The following ERBB4 variants were observed in gnomAD, a reference collection of about 807,000 sequenced individuals.
ERBB4 encodes the protein erb-b2 receptor tyrosine kinase 4.
Under a neutral mutation model 158.0 loss-of-function variants are expected in ERBB4, and 42 were observed. The observed-to-expected ratio is 0.27, with a 90% CI of 0.21 to 0.34. The LOEUF is 0.34. Ranked by LOEUF, ERBB4 falls within the 10% of genes least tolerant of loss-of-function variation. The pLI is 1.00. For synonymous variants in ERBB4, 583 were observed against 558.7 expected (o/e 1.04, Z -0.61); for missense variants, 1,333 against 1,624.1 (o/e 0.82, Z 3.08).
intron 1 of ERBB4, among the ~76,000 whole-genome samples, chr2:212,502,588 G>T (rs1025881437): frequency 2.0e-5 from 3 of 152,136 alleles, no homozygotes; most frequent in Admixed American, 1.3e-4. Context: ...TCCTATAGCA[G>T]AGACTGCTGG....
chr2:211,497,351 A>G (rs975250192), intron 20 of ERBB4, among the ~76,000 whole-genome samples: 1 of 152,146 alleles, frequency 6.6e-6, no homozygotes, highest in African/African-American at 2.4e-5. Context: ...TTTACATTCT[A>G]TTCCTTCATA....
chr2:211,380,298 G>C lies in ERBB4; in HGVS notation c.*3317C>G, dbSNP rs2062553118. ...GGTTCTGGATCTATCCTAGATCAGA[G>C]GCCATCTTTCCTCACCTGTTTACCA... On this transcript the variant is annotated 3_prime_UTR_variant, in exon 28 of 28. Transcript: ENST00000342788. 4.3e-6 allele frequency: 1 copy of C among 232,204 alleles called. No individual in the cohort carries two copies. 14.4% of individuals were successfully genotyped at this position (232,204 alleles called of 1,614,324 possible). A position where few individuals can be genotyped will look rare whatever the true frequency, so the allele number is the denominator to read the frequency against.
intron 20 of ERBB4, among the ~76,000 whole-genome samples, chr2:211,518,002 A>C (rs1268029019): frequency 6.6e-6 from 1 of 152,094 alleles, no homozygotes; most frequent in East Asian, 1.9e-4. Context: ...CTTATTGTAC[A>C]AGTGTAATTA....
intron 1 of ERBB4, among the ~76,000 whole-genome samples, chr2:212,192,856 T>C (rs974699729): frequency 2.6e-5 from 4 of 152,222 alleles, no homozygotes; most frequent in Non-Finnish European, 5.9e-5. Context: ...ATAGTGTGAT[T>C]TGCTATCCAT....
intron 25 of ERBB4, among the ~76,000 whole-genome samples, chr2:211,394,214 C>T (rs1559124387): frequency 6.6e-6 from 1 of 151,950 alleles, no homozygotes; most frequent in Non-Finnish European, 1.5e-5. Flanking sequence ...TTAGCACAGT[C>T]AAAAAAGAAA....
chr2:212,042,159 T>C (rs944453426), intron 2 of ERBB4, among the ~76,000 whole-genome samples: 1 of 152,096 alleles, frequency 6.6e-6, no homozygotes, highest in Non-Finnish European at 1.5e-5. Context: ...AGTGCTCAAA[T>C]TGGTGATAGT....
At chr2:212,209,216 T>C (rs1275654835) in intron 1 of ERBB4, among the ~76,000 whole-genome samples, 1 of 152,190 alleles carries the variant, frequency 6.6e-6, no homozygotes, top group African/African-American at 2.4e-5. Context: ...ATTTGCTGCA[T>C]ATGAAACATT....
intron 2 of ERBB4, among the ~76,000 whole-genome samples, chr2:212,048,873 G>A (rs931437806): frequency 3.3e-5 from 5 of 152,120 alleles, no homozygotes; most frequent in African/African-American, 4.8e-5. Flanking sequence ...TTAAGCATTC[G>A]AACATGGAAT....
intron 2 of ERBB4, among the ~76,000 whole-genome samples, chr2:212,047,313 T>C (rs2077283247): frequency 6.6e-6 from 1 of 152,192 alleles, no homozygotes; most frequent in East Asian, 1.9e-4. Flanking sequence ...TTATTCTCTT[T>C]AGTCTCAATA....
intron 3 of ERBB4, among the ~76,000 whole-genome samples, chr2:211,843,253 T>C (rs940843428): frequency 6.6e-6 from 1 of 152,190 alleles, no homozygotes; most frequent in East Asian, 1.9e-4. Flanking sequence ...TGTAGATGTA[T>C]CCTTAAATCA....
chr2:211,547,953 G>A (rs1441372011), intron 20 of ERBB4, among the ~76,000 whole-genome samples: 1 of 152,016 alleles, frequency 6.6e-6, no homozygotes, highest in East Asian at 1.9e-4. Context: ...AAAGCAAAAG[G>A]GAAGCTTGCT....
rs187789659 is a variant in ERBB4, at chr2:211,502,346, C to A, written c.2487+59557G>T. On this transcript the variant is annotated intron_variant, in intron 20 of 27. Coordinates refer to ENST00000342788, the MANE Select transcript of ERBB4 (RefSeq NM_005235.3). ...ATATACTCAAATTAGGGTAATGTAACAGAAAGCTAATATATTGAGTGGATA... is the reference window on the plus strand; with the variant it reads ...ATATACTCAAATTAGGGTAATGTAAAAGAAAGCTAATATATTGAGTGGATA... Among the ~76,000 whole-genome samples, 89 of 152,204 alleles carry A rather than the reference C, an allele frequency of 5.8e-4. 1 individual carries two copies. Among genetic ancestry groups the A allele is most frequent in the East Asian group, 5.8e-4 (3 of 5,176 alleles).
intron 20 of ERBB4, among the ~76,000 whole-genome samples, chr2:211,431,351 T>C (rs1414339251): frequency 6.6e-6 from 1 of 152,204 alleles, no homozygotes; most frequent in African/African-American, 2.4e-5. Flanking sequence ...GTTAGATCAT[T>C]ATTTTTCCAA....
At chr2:212,031,649 G>A (rs1296302369) in intron 2 of ERBB4, among the ~76,000 whole-genome samples, 1 of 152,008 alleles carries the variant, frequency 6.6e-6, no homozygotes, top group East Asian at 1.9e-4. Flanking sequence ...TTTTATACCT[G>A]TTTTTATGGT....
chr2:212,467,403 C>T (rs1000736986), intron 1 of ERBB4, among the ~76,000 whole-genome samples: 1 of 152,192 alleles, frequency 6.6e-6, no homozygotes, highest in East Asian at 1.9e-4. Context: ...ATGCTGTGTA[C>T]AGCCTAGAGA....
At chr2:212,192,842 A>C (rs527254695) in intron 1 of ERBB4, among the ~76,000 whole-genome samples, 1 of 148,392 alleles carries the variant, frequency 6.7e-6, no homozygotes, top group East Asian at 1.9e-4. Flanking sequence ...CTGAGGACCG[A>C]TCAATAGTGT....
At chr2:211,439,494 A>G (rs1423853069) in intron 20 of ERBB4, among the ~76,000 whole-genome samples, 1 of 152,214 alleles carries the variant, frequency 6.6e-6, no homozygotes, top group African/African-American at 2.4e-5. Flanking sequence ...TGAGTTTCAT[A>G]TATGGCTTGT....
At chr2:212,212,208 A>G (rs2082958553) in intron 1 of ERBB4, among the ~76,000 whole-genome samples, 1 of 152,070 alleles carries the variant, frequency 6.6e-6, no homozygotes, top group African/African-American at 2.4e-5. Flanking sequence ...ATTTCCCCAC[A>G]GCCTCACCAG....
intron 1 of ERBB4, among the ~76,000 whole-genome samples, chr2:212,221,586 T>C (rs964424334): frequency 3.3e-5 from 5 of 151,490 alleles, no homozygotes; most frequent in Admixed American, 1.3e-4. Flanking sequence ...AACATCCTCA[T>C]TTAAAGGTCC....
Sources: gnomAD v4.1 joint callset for allele counts (sites outside exome capture counted in the v4.1 genomes callset) on GRCh38, gnomAD v4.1.1 for gene constraint, MANE v1.5 for transcripts, NCBI Gene and HGNC (gene_info 2026-07-23, HGNC 2026-07-21) for gene names.